SFI1: variants seen among roughly 807,000 people sequenced by gnomAD.
SFI1 encodes SFI1 centrin binding protein.
In SFI1, 195 loss-of-function variants were observed where a neutral mutation model predicts 207.5. The observed-to-expected ratio is 0.94, with a 90% CI of 0.84 to 1.06. The LOEUF (loss-of-function observed/expected upper bound fraction) is 1.06, where lower values mean the gene tolerates loss of function less well. SFI1 is among the 50% of genes least tolerant of loss of function. The probability of loss-of-function intolerance (pLI) is 0.00; values close to 1 mark genes in which losing one functional copy is unlikely to be tolerated. For missense variants in SFI1, 1,634 were observed against 1,588.0 expected, an observed-to-expected ratio of 1.03 and a Z score of -0.49; for synonymous variants, 630 against 598.9, an observed-to-expected ratio of 1.05 and a Z score of -0.76.
intron 2 of SFI1, among the ~76,000 whole-genome samples, chr22:31,525,365 TACTC>T (rs1028449607): frequency 6.6e-6 from 1 of 152,172 alleles, no homozygotes; most frequent in Admixed American, 6.6e-5. Context: ...TGCATGTAGA[TACTC>T]ACTTTTCCCA....
chr22:31,517,931 A>G (rs891246348), intron 2 of SFI1, among the ~76,000 whole-genome samples: 3 of 152,180 alleles, frequency 2.0e-5, no homozygotes, highest in Non-Finnish European at 4.4e-5. Context: ...ATTCTATGAA[A>G]GCTTCAGAAT....
intron 14 of SFI1, 97 bp downstream of exon 14, chr22:31,585,231 T>G: frequency 9.6e-7 from 1 of 1,040,902 alleles, no homozygotes; most frequent in Non-Finnish European, 1.4e-6. Context: ...CCAAGAAGTC[T>G]TATCGTTCTG....
rs375427895 is a variant in SFI1 at position 31,589,567 on chromosome 22, C to T, written c.1534C>T (p.Arg512Cys). The change falls in exon 15 of 33, where the codon CGT becomes TGT. Residue 512 changes from arginine (R) to cysteine (C), a missense_variant. By Grantham distance (180) the Arg-to-Cys change is radical (BLOSUM62 -3). Coordinates refer to ENST00000400288, the MANE Select transcript of SFI1 (RefSeq NM_001007467.3). Reference protein sequence around the residue: ...QENVLSARATRFHRETLEKQV... With the variant: ...QENVLSARATCFHRETLEKQV... ...AAATGTCCTCAGTGCAAGAGCAACA[C>T]GTTTCCACAGGTATGTTGCGCAGCT... 2.4e-5 allele frequency: 38 copies of T among 1,612,474 alleles called. No homozygotes were observed. The highest frequency in any genetic ancestry group is 4.0e-5 in the African/African-American group (3 of 74,808).
Position 31,603,826 on chromosome 22 carries a change from C to G in SFI1, c.1881+7C>G. The G allele has an allele frequency of 5.7e-6, 9 of 1,573,542 alleles. No individual in the cohort carries two copies. Among genetic ancestry groups the G allele is most frequent in the Non-Finnish European group, 7.7e-6 (9 of 1,167,682 alleles). ...CTGGAGCCAGTGGAGGGAGGTAAGG[C>G]TTTGGTGCGAGGTGCCACCCGTGTA... On this transcript the variant is annotated splice_region_variant and intron_variant, in intron 18 of 32. Transcript: ENST00000400288.
intron 1 of SFI1, among the ~76,000 whole-genome samples, chr22:31,501,705 C>T (rs905982076): frequency 6.6e-6 from 1 of 152,162 alleles, no homozygotes; most frequent in Non-Finnish European, 1.5e-5. Flanking sequence ...TAATGCGTAG[C>T]AGAGTACCTT....
chr22:31,548,453 CAG>C (rs1457329199), intron 5 of SFI1, among the ~76,000 whole-genome samples: 1 of 148,724 alleles, frequency 6.7e-6, no homozygotes, highest in Non-Finnish European at 1.5e-5. Flanking sequence ...CTGTACAACA[CAG>C]AGAAACCCCA....
At chr22:31,511,565 C>G (rs748062819) in intron 2 of SFI1, among the ~76,000 whole-genome samples, 7 of 148,216 alleles carry the variant, frequency 4.7e-5, no homozygotes, top group Admixed American at 1.4e-4. Flanking sequence ...CCTCCCAGTT[C>G]AAGCAATTCT....
intron 1 of SFI1, among the ~76,000 whole-genome samples, chr22:31,505,552 T>C (rs2054504968): frequency 6.6e-6 from 1 of 151,882 alleles, no homozygotes; most frequent in Admixed American, 6.6e-5. Context: ...GGCCAGGAGT[T>C]TGAGATTACA....
chr22:31,534,244 C>T (rs999258041), intron 4 of SFI1, among the ~76,000 whole-genome samples: 23 of 152,246 alleles, frequency 1.5e-4, no homozygotes, highest in East Asian at 1.9e-4. Context: ...CTACCCACCT[C>T]GGCCTCCCAA....
chr22:31,589,211 CGTGTGTGTGT>C (rs10597618), intron 14 of SFI1, among the ~76,000 whole-genome samples: 2 of 149,742 alleles, frequency 1.3e-5, no homozygotes, highest in African/African-American at 2.5e-5. Context: ...TATGTGTGTG[CGTGTGTGTGT>C]GTGTGTGTGT....
chr22:31,609,298 A>G (rs1000959204), intron 22 of SFI1, among the ~76,000 whole-genome samples: 3 of 152,066 alleles, frequency 2.0e-5, no homozygotes, highest in African/African-American at 7.2e-5. Context: ...ACACCTGGCC[A>G]AGACCTAGTC....
chr22:31,618,014 C>T, intron 31 of SFI1, 101 bp from the exon 32 acceptor site: 1 of 1,343,470 alleles, frequency 7.4e-7, no homozygotes, highest in Non-Finnish European at 1.0e-6. Context: ...CTCTCTCCAC[C>T]CGATACCCGC....
intron 4 of SFI1, among the ~76,000 whole-genome samples, chr22:31,535,180 T>TA (rs1232026339): frequency 1.4e-5 from 2 of 141,040 alleles, no homozygotes; most frequent in African/African-American, 5.2e-5. Context: ...AATGCTTTTT[T>TA]ATTGCTTTTT....
In SFI1 at chr22:31,502,715, C is replaced by T. The variant is rs116322285; in HGVS notation, c.-30-5540C>T. On this transcript the variant is annotated intron_variant, in intron 1 of 32. Coordinates refer to ENST00000400288, the MANE Select transcript of SFI1 (RefSeq NM_001007467.3). ...CAAGATTTCATCATGGGTGGTAGCACTTCATCAGTGCTTTGTTGGGTTTAT... is the reference window on the plus strand; with the variant it reads ...CAAGATTTCATCATGGGTGGTAGCATTTCATCAGTGCTTTGTTGGGTTTAT... Among the ~76,000 whole-genome samples, 1,089 of 152,208 alleles carry T rather than the reference C, an allele frequency of 7.2e-3. 11 individuals carry two copies. Among genetic ancestry groups the T allele is most frequent in the African/African-American group, 0.025 (1,035 of 41,544 alleles).
At chr22:31,578,186 T>C (rs1193255498) in intron 10 of SFI1, 196 bp from the exon 11 acceptor site, 1 of 388,632 alleles carries the variant, frequency 2.6e-6, no homozygotes, top group Non-Finnish European at 4.6e-6. Context: ...CAAGACCAGA[T>C]GTTTGATCAG....
chr22:31,596,078 C>T (rs948554898), intron 15 of SFI1, among the ~76,000 whole-genome samples: 2 of 152,036 alleles, frequency 1.3e-5, no homozygotes, highest in African/African-American at 4.8e-5. Context: ...CATGGTGAAA[C>T]CCCATGTCTA....
chr22:31,576,405 C>T (rs1400089245), intron 10 of SFI1, among the ~76,000 whole-genome samples: 1 of 152,064 alleles, frequency 6.6e-6, no homozygotes, highest in East Asian at 1.9e-4. Context: ...ACCGCAACCT[C>T]TGCCTCCCGG....
chr22:31,590,979 A>ATTTATTTT (rs1285119931), intron 15 of SFI1, among the ~76,000 whole-genome samples: 3 of 142,130 alleles, frequency 2.1e-5, no homozygotes, highest in African/African-American at 8.1e-5. Context: ...TTATTTATTT[A>ATTTATTTT]TTTTTTTATT....
At chr22:31,570,529 G>A (rs1602977986) in intron 8 of SFI1, among the ~76,000 whole-genome samples, 1 of 152,286 alleles carries the variant, frequency 6.6e-6, no homozygotes, top group East Asian at 1.9e-4. Context: ...ATATATGTGT[G>A]GAATACTGAG....
Sources: allele counts gnomAD v4.1 joint callset (sites outside exome capture counted in the v4.1 genomes callset), GRCh38; gene constraint gnomAD v4.1.1; transcripts MANE v1.5; gene names NCBI Gene and HGNC (gene_info 2026-07-23, HGNC 2026-07-21).